The following SEC23A variants were observed in gnomAD, a reference collection of about 807,000 sequenced individuals.
The protein encoded by SEC23A is protein transport protein Sec23A.
SEC23A carries 56 observed loss-of-function variants against 103.7 expected under a neutral mutation model. The ratio of observed to expected loss-of-function variants is 0.54; its 90% CI spans 0.44 to 0.67. The LOEUF (loss-of-function observed/expected upper bound fraction) is 0.67. Ranked by LOEUF, SEC23A falls within the 30% of genes least tolerant of loss-of-function variation. The pLI, the probability that SEC23A is intolerant of heterozygous loss-of-function variation, is 0.00. For missense variants in SEC23A, 784 were observed against 936.4 expected (o/e 0.84, Z 2.12); for synonymous variants, 281 against 293.0 (o/e 0.96, Z 0.42).
chr14:39,055,164 C>A lies in SEC23A; in HGVS notation c.1638G>T (p.Leu546=). 6.2e-7 allele frequency: 1 copy of A among 1,614,170 alleles called. No individual in the cohort carries two copies. Among genetic ancestry groups the A allele is most frequent in the Non-Finnish European group, 8.5e-7 (1 of 1,180,024 alleles). Residue 546 remains leucine (L), a synonymous_variant, in exon 14 of 20, where the codon CTG becomes CTT. Coordinates refer to ENST00000307712, the MANE Select transcript of SEC23A (RefSeq NM_006364.4). ...TEEGPDVLRW[L]DRQLIRLCQK... The stretch of plus-strand genomic sequence containing the variant: ...TTACCAGTCGAATGAGCTGTCTGTC[C>A]AGCCACCTAAGCACATCTGGACCTT...
chr14:39,041,180 C>T (rs905997768), intron 17 of SEC23A: 2 of 240,846 alleles, frequency 8.3e-6, no homozygotes, highest in Non-Finnish European at 1.6e-5. Flanking sequence ...TCTACCTAAG[C>T]TTATGATACG....
At chr14:39,089,926 A>G (rs1248876427) in intron 5 of SEC23A, among the ~76,000 whole-genome samples, 2 of 152,276 alleles carry the variant, frequency 1.3e-5, no homozygotes, top group Non-Finnish European at 2.9e-5. Flanking sequence ...AATGCAGTCC[A>G]GCCTGGGTGA....
At chr14:39,052,512 C>A (rs1359491985) in intron 14 of SEC23A, among the ~76,000 whole-genome samples, 4 of 152,084 alleles carry the variant, frequency 2.6e-5, no homozygotes, top group Non-Finnish European at 5.9e-5. Context: ...GTAGGTTTTA[C>A]ATGGGACAGT....
intron 7 of SEC23A, among the ~76,000 whole-genome samples, chr14:39,085,483 A>G (rs1475371373): frequency 1.3e-5 from 2 of 152,118 alleles, no homozygotes; most frequent in Non-Finnish European, 2.9e-5. Flanking sequence ...TGTGGGACTG[A>G]GCCCTCAATC....
At chr14:39,076,738 C>G (rs2139255942) in intron 7 of SEC23A, among the ~76,000 whole-genome samples, 1 of 151,456 alleles carries the variant, frequency 6.6e-6, no homozygotes, top group South Asian at 2.1e-4. Context: ...CCAGCCTGGT[C>G]AACATGGTGA....
At chr14:39,038,627 G>A (rs942810887) in intron 19 of SEC23A, among the ~76,000 whole-genome samples, 2 of 152,094 alleles carry the variant, frequency 1.3e-5, no homozygotes, top group East Asian at 1.9e-4. Flanking sequence ...TTACAGGCAT[G>A]AGCCACCACA....
At chr14:39,055,387 T>A in intron 13 of SEC23A, 91 bp from the exon 14 acceptor site, 7 of 1,305,660 alleles carry the variant, frequency 5.4e-6, no homozygotes, top group Non-Finnish European at 6.5e-6. Context: ...ATTTAAAAGA[T>A]AAAAGATACA....
At chr14:39,094,690 A>C (rs1478313903) in intron 2 of SEC23A, among the ~76,000 whole-genome samples, 3 of 152,114 alleles carry the variant, frequency 2.0e-5, no homozygotes, top group Non-Finnish European at 4.4e-5. Context: ...CAGAATGAAA[A>C]GGAAGCAATC....
chr14:39,036,649 C>T (rs17108748), intron 19 of SEC23A, among the ~76,000 whole-genome samples: 2,202 of 152,198 alleles, frequency 0.014, 77 homozygotes, highest in African/African-American at 0.05. Flanking sequence ...CAATGCTTAA[C>T]GTCCATATAC....
At chr14:39,075,574 TA>T (rs1233221740) in intron 8 of SEC23A, among the ~76,000 whole-genome samples, 3 of 152,280 alleles carry the variant, frequency 2.0e-5, no homozygotes, top group African/African-American at 7.2e-5. Flanking sequence ...TATTCATATC[TA>T]AAGGAAAAAT....
At chr14:39,053,852 C>T (rs574719820) in intron 14 of SEC23A, among the ~76,000 whole-genome samples, 1 of 152,258 alleles carries the variant, frequency 6.6e-6, no homozygotes, top group African/African-American at 2.4e-5. Flanking sequence ...TGAGCTTAGC[C>T]AGGTGTGGTG....
intron 13 of SEC23A, among the ~76,000 whole-genome samples, chr14:39,057,673 A>G (rs1209332853): frequency 6.6e-6 from 1 of 152,248 alleles, no homozygotes; most frequent in African/African-American, 2.4e-5. Flanking sequence ...TGGCCAATAA[A>G]AGATTTTTAC....
chr14:39,096,551 C>T (rs1370159857), intron 1 of SEC23A, among the ~76,000 whole-genome samples: 1 of 151,426 alleles, frequency 6.6e-6, no homozygotes, highest in African/African-American at 2.4e-5. Context: ...AAAATCAGGA[C>T]CAAATGAAAA....
At chr14:39,079,680 G>C (rs1887154307) in intron 7 of SEC23A, among the ~76,000 whole-genome samples, 1 of 152,078 alleles carries the variant, frequency 6.6e-6, no homozygotes, top group Non-Finnish European at 1.5e-5. Flanking sequence ...AAATTAGCCA[G>C]GCGGGGTGGC....
chr14:39,085,400 A>G (rs1887398444), intron 7 of SEC23A, among the ~76,000 whole-genome samples: 1 of 152,118 alleles, frequency 6.6e-6, no homozygotes, highest in Admixed American at 6.5e-5. Context: ...AGAGTGTCCA[A>G]TTTACAGCCA....
intron 2 of SEC23A, 59 bp from the exon 3 acceptor site, chr14:39,093,303 A>G: frequency 7.3e-7 from 1 of 1,361,342 alleles, no homozygotes; most frequent in Non-Finnish European, 1.0e-6. Context: ...TTTTACAAAA[A>G]TCCTAATTTC....
At chr14:39,087,799 T>C (rs1887494469) in intron 5 of SEC23A, 1 of 152,222 alleles carries the variant, frequency 6.6e-6, no homozygotes, top group African/African-American at 2.4e-5. Context: ...ACAGCAACTC[T>C]TTACTAAGAA....
intron 9 of SEC23A, among the ~76,000 whole-genome samples, chr14:39,071,742 T>C (rs1004720516): frequency 5.3e-5 from 8 of 149,826 alleles, no homozygotes; most frequent in Non-Finnish European, 8.9e-5. Flanking sequence ...TGGCAGGCGC[T>C]TGTAGTCCCA....
intron 8 of SEC23A, 39 bp downstream of exon 8, chr14:39,075,896 T>C (rs1257041398): frequency 6.3e-7 from 1 of 1,586,754 alleles, no homozygotes. Context: ...TGAATACCTG[T>C]TTTCTAATAA....
Sources: allele counts gnomAD v4.1 joint callset (sites outside exome capture counted in the v4.1 genomes callset), GRCh38; gene constraint gnomAD v4.1.1; transcripts MANE v1.5; gene names NCBI Gene and HGNC (gene_info 2026-07-23, HGNC 2026-07-21).